Variants in MRPL27 observed in about 807,000 individuals in gnomAD.
MRPL27 encodes mitochondrial ribosomal protein L27, also known as large ribosomal subunit protein bL27m.
In MRPL27, 4 loss-of-function variants were observed where a neutral mutation model predicts 14.6. That is an observed-to-expected ratio of 0.27 (90% CI 0.14 to 0.63). The LOEUF is 0.63. MRPL27 is among the 20% of genes least tolerant of loss of function. The pLI is 0.85. For missense variants in MRPL27, 196 were observed against 192.8 expected (o/e 1.02, Z -0.10); for synonymous variants, 82 against 75.5 (o/e 1.09, Z -0.45).
Position 50,368,542 on chromosome 17 carries a change from A to T in MRPL27, c.241-244T>A, listed in dbSNP as rs1291064536. ...CATGGGCCACTGCTCAGTCCCAGGG[A>T]CTGTTACCTGGAGCCATGTCTATGC... is the stretch of plus-strand genomic sequence containing the variant. On this transcript the variant is annotated intron_variant, in intron 3 of 3. Coordinates refer to ENST00000225969, the MANE Select transcript of MRPL27 (RefSeq NM_016504.3). 3 of 597,030 alleles carry T rather than the reference A, an allele frequency of 5.0e-6. No homozygotes were observed. The African/African-American group carries it at 5.6e-5, about 11-fold the overall frequency. 37.0% of individuals were successfully genotyped at this position (597,030 alleles called of 1,614,324 possible). A position where few individuals can be genotyped will look rare whatever the true frequency, so the allele number is the denominator to read the frequency against.
Position 50,368,174 on chromosome 17 carries a change from T to C in MRPL27, c.365A>G (p.Lys122Arg). Residue 122 changes from lysine (K) to arginine (R), a missense_variant, in exon 4 of 4, where the codon AAG (lysine) becomes AGG (arginine). Lys to Arg is a conservative substitution (Grantham distance 26). Coordinates refer to ENST00000225969, the MANE Select transcript of MRPL27 (RefSeq NM_016504.3). ...EAVDLITRLP[K>R]GAVLYKTFVH... ...AAAAGTCTTGTAGAGCACAGCACCC[T>C]TGGGCAGCCTGGTGATCAGATCCAC... 1 of 1,614,202 alleles carries C rather than the reference T, an allele frequency of 6.2e-7. No homozygotes were observed. The highest frequency in any genetic ancestry group is 8.5e-7 in the Non-Finnish European group (1 of 1,180,030).
At chr17:50,370,123 T>A in intron 2 of MRPL27, 24 bp from the exon 3 acceptor site, 1 of 1,590,186 alleles carries the variant, frequency 6.3e-7, no homozygotes, top group Non-Finnish European at 8.6e-7. Flanking sequence ...CCACAGTGAC[T>A]GGGGCAGCAT....
At position 50,373,148 on chromosome 17, in the gene MRPL27, A is replaced by G. The variant is rs1389339065; in HGVS notation, c.23T>C (p.Leu8Pro). Residue 8 changes from leucine to proline, a missense_variant, in exon 1 of 4, where the codon CTG (leucine) becomes CCG (proline). By Grantham distance (98) the Leu-to-Pro change is moderately conservative. Coordinates refer to ENST00000225969, the MANE Select transcript of MRPL27 (RefSeq NM_016504.3). Reference sequence around the variant, plus strand: ...CCCATTACCGGCTGTCCGGGTCCTCAGCGCCAACACCACCGACGCCATGCT... The same window carrying G: ...CCCATTACCGGCTGTCCGGGTCCTCGGCGCCAACACCACCGACGCCATGCT... MASVVLA[L>P]RTRTAVTSLL... 4 of 1,613,576 alleles carry G rather than the reference A, an allele frequency of 2.5e-6. No individual in the cohort carries two copies. Among genetic ancestry groups the G allele is most frequent in the African/African-American group, 1.3e-5 (1 of 74,876 alleles).
At chr17:50,370,295 A>C (rs758337216) in intron 2 of MRPL27, 160 bp downstream of exon 2, 59 of 1,278,922 alleles carry the variant, frequency 4.6e-5, no homozygotes, top group Non-Finnish European at 6.1e-5. Context: ...ACACCCACCC[A>C]CTCGATGACC....
chr17:50,370,725 T>C, intron 1 of MRPL27, 139 bp from the exon 2 acceptor site: 1 of 1,205,916 alleles, frequency 8.3e-7, no homozygotes, highest in Non-Finnish European at 1.2e-6. Context: ...CTGAGTGTAT[T>C]AGTTCTCAGG....
chr17:50,372,426 T>C (rs1460346297), intron 1 of MRPL27, among the ~76,000 whole-genome samples: 2 of 152,136 alleles, frequency 1.3e-5, no homozygotes, highest in African/African-American at 2.4e-5. Flanking sequence ...TTGTATTTTT[T>C]GTAGAGATGG....
intron 1 of MRPL27, chr17:50,372,783 T>A (rs977078316): frequency 1.5e-5 from 5 of 340,514 alleles, no homozygotes; most frequent in Non-Finnish European, 2.7e-5. Flanking sequence ...TAGCACAAAG[T>A]AAGACCTCAA....
intron 3 of MRPL27, 59 bp downstream of exon 3, chr17:50,369,973 G>A (rs1913078579): frequency 6.4e-7 from 1 of 1,558,458 alleles, no homozygotes; most frequent in African/African-American, 1.4e-5. Context: ...ACCATGCTTA[G>A]GGGCAAGGAG....
intron 1 of MRPL27, 46 bp downstream of exon 1, chr17:50,373,085 C>G (rs777116631): frequency 1.2e-6 from 2 of 1,612,930 alleles, no homozygotes; most frequent in Non-Finnish European, 8.5e-7. Context: ...TGGAGCTCCA[C>G]TCTGCCTCCC....
At chr17:50,372,208 G>A (rs1272627676) in intron 1 of MRPL27, among the ~76,000 whole-genome samples, 3 of 143,790 alleles carry the variant, frequency 2.1e-5, no homozygotes, top group African/African-American at 7.8e-5. Flanking sequence ...TCACTCTCCT[G>A]TCCCTCACTC....
chr17:50,370,758 T>A (rs1913108363), intron 1 of MRPL27, 172 bp from the exon 2 acceptor site: 2 of 791,700 alleles, frequency 2.5e-6, no homozygotes, highest in Non-Finnish European at 3.9e-6. Flanking sequence ...GTCCTTGGCT[T>A]TCTCCTTTTG....
chr17:50,370,541 C>G lies in MRPL27; in HGVS notation c.86G>C (p.Arg29Thr). The G allele has an allele frequency of 1.9e-6, 3 of 1,614,226 alleles. No homozygotes were observed. The highest frequency in any genetic ancestry group is 2.5e-6 in the Non-Finnish European group (3 of 1,180,042). ...SPTPATALAV[R>T]YASKKSGGSS... ...ACCACCCGACTTCTTGGATGCGTAT[C>G]TGACAGCAAGAGCTGTAGCCGGAGT... The change falls in exon 2 of 4, where the codon AGA (arginine) becomes ACA (threonine). Residue 29 changes from arginine to threonine, a missense_variant. By Grantham distance (71) the Arg-to-Thr change is moderately conservative (BLOSUM62 -1). Coordinates refer to ENST00000225969, the MANE Select transcript of MRPL27 (RefSeq NM_016504.3).
intron 1 of MRPL27, chr17:50,372,884 C>A (rs1373230599): frequency 3.5e-6 from 2 of 574,606 alleles, no homozygotes; most frequent in East Asian, 5.9e-5. Flanking sequence ...AATCCCCAAC[C>A]GCCAAGGAAC....
At position 50,370,087 on chromosome 17, in the gene MRPL27, T is replaced by G. The variant is rs1012888207; in HGVS notation, c.185A>C (p.His62Pro). The G allele has an allele frequency of 6.2e-7, 1 of 1,612,478 alleles. No individual in the cohort carries two copies. The highest frequency in any genetic ancestry group is 8.5e-7 in the Non-Finnish European group (1 of 1,179,544). Residue 62 changes from histidine (H) to proline (P), a missense_variant, in exon 3 of 4, where the codon CAT becomes CCT. Transcript: ENST00000225969. ...GIKKMEGHYVHAGNIIATQRH... is the reference protein window; with the variant it reads ...GIKKMEGHYVPAGNIIATQRH... ...CTGTGTTGCAATGATGTTCCCAGCA[T>G]GAACATAGTGACCTAGAAGAGAAGT...
intron 3 of MRPL27, chr17:50,368,813 A>AAGT (rs1913040203): frequency 5.7e-6 from 4 of 701,160 alleles, no homozygotes; most frequent in Non-Finnish European, 1.0e-5. Context: ...GCCCTTTAAT[A>AAGT]CACATTAAGT....
intron 3 of MRPL27, chr17:50,368,683 T>C (rs987443955): frequency 3.4e-6 from 2 of 594,682 alleles, no homozygotes; most frequent in Non-Finnish European, 5.9e-6. Flanking sequence ...TGATGTAAAT[T>C]TTCATTTAGA....
intron 2 of MRPL27, 76 bp downstream of exon 2, chr17:50,370,379 G>A (rs1373736791): frequency 2.4e-5 from 39 of 1,600,432 alleles, no homozygotes; most frequent in South Asian, 2.0e-4. Flanking sequence ...CCAGGCACAC[G>A]CAGGGTTCTT....
At chr17:50,372,933 T>C (rs1913225446) in intron 1 of MRPL27, 198 bp downstream of exon 1, 2 of 702,112 alleles carry the variant, frequency 2.8e-6, no homozygotes, top group South Asian at 1.9e-5. Flanking sequence ...ACAAGTGCTC[T>C]TCAAACGCCC....
chr17:50,372,264 G>T (rs1026397994), intron 1 of MRPL27, among the ~76,000 whole-genome samples: 2 of 151,378 alleles, frequency 1.3e-5, no homozygotes, highest in East Asian at 3.9e-4. Context: ...TTGGGGGGGG[G>T]GGATAGGGCC....
Sources: allele counts gnomAD v4.1 joint callset (sites outside exome capture counted in the v4.1 genomes callset), GRCh38; gene constraint gnomAD v4.1.1; transcripts MANE v1.5; gene names NCBI Gene and HGNC (gene_info 2026-07-23, HGNC 2026-07-21).